The following ENTREP1 variants were observed in gnomAD, a reference collection of about 807,000 sequenced individuals.
The protein encoded by ENTREP1 is Friedreich ataxia region gene X123.
At chr9:69,330,276 C>T in the ENTREP1 span, among the ~76,000 whole-genome samples, 1 of 152,172 alleles carries the variant, frequency 6.6e-6, no homozygotes, top group Non-Finnish European at 1.5e-5. Context: ...GTTGTCTCTC[C>T]TCCTTCAGAA....
At chr9:69,335,724 C>T in the ENTREP1 span, among the ~76,000 whole-genome samples, 1 of 152,072 alleles carries the variant, frequency 6.6e-6, no homozygotes, top group Admixed American at 6.5e-5. Flanking sequence ...ATGCTAGGAA[C>T]AGGGAGCTTG....
At chr9:69,349,184 CAAAAAAAAAAAAAA>C in the ENTREP1 span, among the ~76,000 whole-genome samples, 107 of 85,272 alleles carry the variant, frequency 1.3e-3, no homozygotes, top group African/African-American at 4.1e-3. Flanking sequence ...AACTCCATCT[CAAAAAAAAAAAAAA>C]AAAAAAAAAA....
chr9:69,343,815 A>G, the ENTREP1 span, among the ~76,000 whole-genome samples: 1 of 152,124 alleles, frequency 6.6e-6, no homozygotes, highest in Non-Finnish European at 1.5e-5. Context: ...TTGTTGGGAG[A>G]TAAAGATAAG....
the ENTREP1 span, among the ~76,000 whole-genome samples, chr9:69,331,346 A>G: frequency 6.6e-6 from 1 of 152,286 alleles, no homozygotes; most frequent in East Asian, 1.9e-4. Flanking sequence ...GATCTTAACG[A>G]TTTGGTTTTT....
At chr9:69,361,211 A>G in the ENTREP1 span, among the ~76,000 whole-genome samples, 6 of 152,226 alleles carry the variant, frequency 3.9e-5, no homozygotes, top group Non-Finnish European at 8.8e-5. Flanking sequence ...ATACACATGT[A>G]TAATCATTAT....
the ENTREP1 span, among the ~76,000 whole-genome samples, chr9:69,338,702 T>C: frequency 6.6e-6 from 1 of 152,228 alleles, no homozygotes; most frequent in Non-Finnish European, 1.5e-5. Flanking sequence ...TTCTGTTTAA[T>C]ATAAAATTAA....
the ENTREP1 span, chr9:69,388,338 C>T: frequency 5.6e-6 from 9 of 1,614,068 alleles, no homozygotes; most frequent in East Asian, 2.0e-4. Flanking sequence ...GAGCAGTCCT[C>T]TTGTACCATG....
At chr9:69,363,561 C>T in the ENTREP1 span, among the ~76,000 whole-genome samples, 4 of 152,284 alleles carry the variant, frequency 2.6e-5, no homozygotes, top group African/African-American at 9.6e-5. Context: ...TTTTCTAAGC[C>T]TGCAGGGAAG....
chr9:69,328,728 A>C, the ENTREP1 span, among the ~76,000 whole-genome samples: 2 of 152,222 alleles, frequency 1.3e-5, no homozygotes, highest in African/African-American at 4.8e-5. Flanking sequence ...GCTTTGACAT[A>C]TATTCACATG....
the ENTREP1 span, chr9:69,387,768 A>ATG: frequency 1.8e-6 from 1 of 567,044 alleles, no homozygotes; most frequent in Non-Finnish European, 2.7e-6. Flanking sequence ...TGACTACTTC[A>ATG]TCCTCGCTCC....
the ENTREP1 span, among the ~76,000 whole-genome samples, chr9:69,360,521 G>T: frequency 1.2e-3 from 177 of 151,966 alleles, 7 homozygotes; most frequent in South Asian, 0.035. Flanking sequence ...TTGTTCAAAG[G>T]TCCTTCTTCA....
At chr9:69,384,948 T>A in the ENTREP1 span, among the ~76,000 whole-genome samples, 1 of 152,102 alleles carries the variant, frequency 6.6e-6, no homozygotes, top group Non-Finnish European at 1.5e-5. Context: ...TGAGACAGAG[T>A]TTTACTCCTT....
the ENTREP1 span, chr9:69,329,766 G>T: frequency 4.8e-6 from 2 of 420,252 alleles, no homozygotes; most frequent in Non-Finnish European, 5.4e-6. Context: ...CGGTTTGGGG[G>T]GTGCGTTTAG....
the ENTREP1 span, among the ~76,000 whole-genome samples, chr9:69,360,270 A>G: frequency 6.6e-6 from 1 of 152,210 alleles, no homozygotes; most frequent in Non-Finnish European, 1.5e-5. Context: ...CCATTTTCAA[A>G]ACACAATCAC....
the ENTREP1 span, among the ~76,000 whole-genome samples, chr9:69,363,988 G>A: frequency 2.6e-5 from 4 of 152,168 alleles, no homozygotes; most frequent in South Asian, 8.3e-4. Context: ...TGTAACTGCA[G>A]ATTTATCTTA....
the ENTREP1 span, among the ~76,000 whole-genome samples, chr9:69,336,951 G>T: frequency 6.8e-6 from 1 of 147,018 alleles, no homozygotes; most frequent in Non-Finnish European, 1.5e-5. Context: ...TCCCGCCTTG[G>T]CCTCCCAAAG....
At chr9:69,367,834 T>TACACATATATATAAATATATACAC in the ENTREP1 span, among the ~76,000 whole-genome samples, 1 of 101,788 alleles carries the variant, frequency 9.8e-6, no homozygotes. Context: ...AATATATATA[T>TACACATATATATAAATATATACAC]ACACATATAT....
At chr9:69,384,964 C>T in the ENTREP1 span, among the ~76,000 whole-genome samples, 2 of 151,892 alleles carry the variant, frequency 1.3e-5, no homozygotes, top group Non-Finnish European at 2.9e-5. Context: ...TCCTTTTGCT[C>T]AGGGTGGAGT....
the ENTREP1 span, among the ~76,000 whole-genome samples, chr9:69,340,934 T>G: frequency 6.6e-6 from 1 of 152,214 alleles, no homozygotes; most frequent in Non-Finnish European, 1.5e-5. Context: ...AAGAAAATGT[T>G]CTGTAAGTGT....
Sources: gnomAD v4.1 joint callset for allele counts (sites outside exome capture counted in the v4.1 genomes callset) on GRCh38, gnomAD v4.1.1 for gene constraint, MANE v1.5 for transcripts, NCBI Gene and HGNC (gene_info 2026-07-23, HGNC 2026-07-21) for gene names.